PTK7: variants seen among roughly 807,000 people sequenced by gnomAD.
PTK7 encodes the protein inactive tyrosine-protein kinase 7.
Under a neutral mutation model 116.6 loss-of-function variants are expected in PTK7, and 39 were observed. The observed-to-expected ratio is 0.33, with a 90% CI of 0.26 to 0.44. PTK7 has a LOEUF of 0.44. Ranked by LOEUF, PTK7 falls within the 20% of genes least tolerant of loss-of-function variation. PTK7 has a pLI of 1.00. For missense variants in PTK7, 1,169 were observed against 1,425.6 expected, an observed-to-expected ratio of 0.82 and a Z score of 2.90; for synonymous variants, 546 against 563.6, an observed-to-expected ratio of 0.97 and a Z score of 0.44.
chr6:43,144,807 A>G (rs187285216), intron 15 of PTK7: 105 of 538,854 alleles, frequency 1.9e-4, no homozygotes, highest in African/African-American at 1.8e-3. Flanking sequence ...ATTCCTGTGT[A>G]CTACCTGTAG....
intron 17 of PTK7, among the ~76,000 whole-genome samples, chr6:43,148,186 G>C (rs902140301): frequency 1.3e-5 from 2 of 151,918 alleles, no homozygotes; most frequent in African/African-American, 4.8e-5. Context: ...CCAGGAGGTC[G>C]AGGCTGCGGT....
At chr6:43,116,854 C>T (rs754039034) in intron 1 of PTK7, among the ~76,000 whole-genome samples, 54 of 152,036 alleles carry the variant, frequency 3.6e-4, no homozygotes, top group Non-Finnish European at 5.3e-4. Flanking sequence ...GACTCAGTTT[C>T]GCTGTATCGC....
chr6:43,118,757 G>A (rs1446793676), intron 1 of PTK7, among the ~76,000 whole-genome samples: 1 of 141,552 alleles, frequency 7.1e-6, no homozygotes, highest in Non-Finnish European at 1.5e-5. Flanking sequence ...GTATGTGTGT[G>A]TGTGTGTGTG....
chr6:43,130,910 C>T (rs1181220683), intron 5 of PTK7, among the ~76,000 whole-genome samples: 3 of 152,114 alleles, frequency 2.0e-5, no homozygotes, highest in African/African-American at 7.2e-5. Context: ...TCTCTCCCCA[C>T]CACCCACATG....
intron 18 of PTK7, 144 bp from the exon 19 acceptor site, chr6:43,159,644 C>G (rs754519180): frequency 1.3e-6 from 1 of 777,404 alleles, no homozygotes; most frequent in Non-Finnish European, 2.2e-6. Context: ...CCATGCTCAG[C>G]ACGCATGTGA....
chr6:43,135,245 A>G (rs181533946), intron 7 of PTK7, among the ~76,000 whole-genome samples: 226 of 152,290 alleles, frequency 1.5e-3, no homozygotes, highest in Non-Finnish European at 2.5e-3. Flanking sequence ...GGGCCAGATC[A>G]GGTGCTGGGT....
chr6:43,137,135 G>A (rs1770088824), intron 7 of PTK7, among the ~76,000 whole-genome samples: 1 of 152,208 alleles, frequency 6.6e-6, no homozygotes, highest in Admixed American at 6.5e-5. Flanking sequence ...CATTGGATGG[G>A]AAGGTCTTGC....
intron 17 of PTK7, among the ~76,000 whole-genome samples, chr6:43,158,177 T>C (rs1302648166): frequency 6.6e-6 from 1 of 151,802 alleles, no homozygotes; most frequent in Non-Finnish European, 1.5e-5. Context: ...CAGGCACCTG[T>C]AATCCCAGCT....
At chr6:43,151,614 C>G (rs1771095917) in intron 17 of PTK7, among the ~76,000 whole-genome samples, 1 of 149,524 alleles carries the variant, frequency 6.7e-6, no homozygotes, top group Non-Finnish European at 1.5e-5. Flanking sequence ...TCACTGCAAG[C>G]TCCGCCTCCC....
intron 1 of PTK7, among the ~76,000 whole-genome samples, chr6:43,109,760 G>T (rs540607354): frequency 1.3e-5 from 2 of 150,474 alleles, no homozygotes; most frequent in African/African-American, 4.9e-5. Context: ...GTGCAGTGGC[G>T]TGATCTCAGC....
intron 1 of PTK7, among the ~76,000 whole-genome samples, chr6:43,119,188 C>T (rs1310336376): frequency 6.6e-6 from 1 of 152,040 alleles, no homozygotes; most frequent in Non-Finnish European, 1.5e-5. Context: ...TCCTCCTCAC[C>T]ACCAGGAATT....
rs369328885 is a variant in PTK7 at position 43,142,001 on chromosome 6, C to T, written c.1839C>T (p.Cys613=). 43 of 1,613,822 alleles carry T rather than the reference C, an allele frequency of 2.7e-5. No homozygotes were observed. The Middle Eastern group carries it at 4.9e-4, about 19-fold the overall frequency. The stretch of plus-strand genomic sequence containing the variant: ...AGGGCCACACAGCCCTACTGCAGTG[C>T]GAGGCCCAGGGGGACCCCAAGCCGC... ...VYQGHTALLQ[C]EAQGDPKPLI... is the part of the protein sequence containing the mutation. Residue 613 remains cysteine, a synonymous_variant, in exon 12 of 20, where the codon TGC becomes TGT. Transcript: ENST00000230419.
chr6:43,118,366 G>A (rs893993039), intron 1 of PTK7, among the ~76,000 whole-genome samples: 8 of 151,904 alleles, frequency 5.3e-5, no homozygotes, highest in Admixed American at 2.0e-4. Context: ...GTGAAACCCC[G>A]TCTCTACTAA....
Position 43,129,497 on chromosome 6 carries a change from A to G in PTK7, c.368-230A>G. ...CATTTATCTGCTGCATGCTTGTGCA[A>G]ATGGAAAGGGCGGCCGAGCCCTTGG... is the stretch of plus-strand genomic sequence containing the variant. On this transcript the variant is annotated intron_variant, in intron 2 of 19. Coordinates refer to ENST00000230419, the MANE Select transcript of PTK7 (RefSeq NM_002821.5). This position sits in a 1 kb window ranked among gnomAD's most constrained non-coding sequence, Gnocchi z 4.5. 1.4e-6 allele frequency: 1 copy of G among 732,058 alleles called. No individual in the cohort carries two copies. Among genetic ancestry groups the G allele is most frequent in the South Asian group, 1.9e-5 (1 of 51,688 alleles). 45.3% of individuals were successfully genotyped at this position (732,058 alleles called of 1,614,324 possible).
chr6:43,076,395 C>G lies in PTK7; in HGVS notation c.-94C>G. 1 of 1,017,650 alleles carries G rather than the reference C, an allele frequency of 9.8e-7. No individual in the cohort carries two copies. Among genetic ancestry groups the G allele is most frequent in the Non-Finnish European group, 1.3e-6 (1 of 777,060 alleles). 63.0% of individuals were successfully genotyped at this position (1,017,650 alleles called of 1,614,324 possible). A position where few individuals can be genotyped will look rare whatever the true frequency, so the allele number is the denominator to read the frequency against. On this transcript the variant is annotated 5_prime_UTR_variant, in exon 1 of 20. Transcript: ENST00000230419. This position sits in a 1 kb window ranked among gnomAD's most constrained non-coding sequence, Gnocchi z 5.7. ...CGGCTGCGGCTGCTGCTGCGGCGCC[C>G]GCGCTCCGGTGCGCTCCGCCTCCTG...
At chr6:43,158,260 C>T (rs1771633845) in intron 17 of PTK7, among the ~76,000 whole-genome samples, 1 of 151,348 alleles carries the variant, frequency 6.6e-6, no homozygotes. Context: ...GATCATGCCA[C>T]TGCACTCCAG....
At chr6:43,105,383 T>C (rs1366228524) in intron 1 of PTK7, among the ~76,000 whole-genome samples, 1 of 143,048 alleles carries the variant, frequency 7.0e-6, no homozygotes, top group Non-Finnish European at 1.5e-5. Flanking sequence ...TAATACACAG[T>C]GGTTGAAGTG....
rs976803552 is a variant in PTK7 at position 43,160,585 on chromosome 6, G to T, written c.3053-136G>T. 3.6e-6 allele frequency: 4 copies of T among 1,112,502 alleles called. No homozygotes were observed. The African/African-American group carries it at 4.7e-5, about 13-fold the overall frequency. The allele number at this position is 1,112,502 out of a possible 1,614,324, so 68.9% of individuals were successfully genotyped here. Reference sequence around the variant, plus strand: ...GGGGAGTCATCTTTTTCCGTTGCGGGTACCCACCTGCCGCTGGCCAGCATT... The same window carrying T: ...GGGGAGTCATCTTTTTCCGTTGCGGTTACCCACCTGCCGCTGGCCAGCATT... On this transcript the variant is annotated intron_variant, in intron 19 of 19. Coordinates refer to ENST00000230419, the MANE Select transcript of PTK7 (RefSeq NM_002821.5).
At chr6:43,077,973 A>T (rs1766150719) in intron 1 of PTK7, among the ~76,000 whole-genome samples, 1 of 152,270 alleles carries the variant, frequency 6.6e-6, no homozygotes. Flanking sequence ...ATCTGCTCCC[A>T]GAGGAAGTAT....
Sources: allele counts gnomAD v4.1 joint callset (sites outside exome capture counted in the v4.1 genomes callset), GRCh38; gene constraint gnomAD v4.1.1; non-coding constraint Gnocchi (gnomAD v3.1); transcripts MANE v1.5; gene names NCBI Gene and HGNC (gene_info 2026-07-23, HGNC 2026-07-21).